Variants in MYO18A observed in about 807,000 individuals in gnomAD.
The protein encoded by MYO18A is unconventional myosin-XVIIIa.
MYO18A carries 78 observed loss-of-function variants against 235.8 expected under a neutral mutation model. That is an observed-to-expected ratio of 0.33 (90% CI 0.28 to 0.40). MYO18A has a LOEUF of 0.40. Ranked by LOEUF, MYO18A falls within the 10% of genes least tolerant of loss-of-function variation. MYO18A has a pLI of 1.00. For missense variants in MYO18A, 2,215 were observed against 2,699.3 expected (o/e 0.82, Z 3.98); for synonymous variants, 977 against 1,077.8 (o/e 0.91, Z 1.83).
At chr17:29,149,113 AC>A (rs2152944282) in intron 2 of MYO18A, among the ~76,000 whole-genome samples, 1 of 152,110 alleles carries the variant, frequency 6.6e-6, no homozygotes, top group African/African-American at 2.4e-5. Flanking sequence ...TCCAGGCCCC[AC>A]CCCCAGGAGG....
intron 2 of MYO18A, among the ~76,000 whole-genome samples, chr17:29,136,197 C>G (rs1413218356): frequency 6.9e-6 from 1 of 145,262 alleles, no homozygotes; most frequent in Admixed American, 7.1e-5. Context: ...ATACTGCATG[C>G]TCCAGCCTGG....
At chr17:29,093,788 AG>A (rs1474205557) in intron 31 of MYO18A, among the ~76,000 whole-genome samples, 191 bp downstream of exon 31, 1 of 152,138 alleles carries the variant, frequency 6.6e-6, no homozygotes, top group African/African-American at 2.4e-5. Flanking sequence ...ATAGTTCCTC[AG>A]GGGCCCAAGC....
intron 41 of MYO18A, among the ~76,000 whole-genome samples, chr17:29,081,938 C>T (rs1013032859): frequency 2.0e-5 from 3 of 152,150 alleles, no homozygotes; most frequent in South Asian, 2.1e-4. Context: ...CACGGTAAGA[C>T]GTCAGAGATC....
In MYO18A at chr17:29,074,349, G is replaced by T. The variant is rs1598251765; in HGVS notation, c.*421C>A. 2.7e-6 allele frequency: 2 copies of T among 742,482 alleles called. No homozygotes were observed. The highest frequency in any genetic ancestry group is 5.5e-5 in the East Asian group (2 of 36,572). 46.0% of individuals were successfully genotyped at this position (742,482 alleles called of 1,614,324 possible). A position where few individuals can be genotyped will look rare whatever the true frequency, so the allele number is the denominator to read the frequency against. On this transcript the variant is annotated 3_prime_UTR_variant, in exon 42 of 42. Coordinates refer to ENST00000527372, the MANE Select transcript of MYO18A (RefSeq NM_078471.4). The surrounding 1 kb of genome is among the most constrained non-coding windows in gnomAD (Gnocchi z 4.4). ...GAGAGCCCCCACCCCACACGAGAGG[G>T]AAGGCACTGCTTCTCCTCCCCCAAT...
Position 29,166,524 on chromosome 17 carries a change from A to G in MYO18A, c.417T>C (p.Phe139=), listed in dbSNP as rs1036052451. The part of the protein sequence containing the change: ...KQNSQMIVKR[F]SFSQRSRDES... ...CATCCCGGCTACGCTGGGAGAAGGA[A>G]AAGCGCTTGACAATCATCTGTGAGT... Residue 139 remains phenylalanine, a synonymous_variant, in exon 2 of 42, where the codon TTT becomes TTC. Transcript: ENST00000527372. 6.2e-7 allele frequency: 1 copy of G among 1,613,656 alleles called. No homozygotes were observed. Among genetic ancestry groups the G allele is most frequent in the Non-Finnish European group, 8.5e-7 (1 of 1,179,854 alleles).
chr17:29,093,956 C>T, intron 31 of MYO18A, 24 bp downstream of exon 31: 1 of 1,534,600 alleles, frequency 6.5e-7, no homozygotes, highest in East Asian at 2.3e-5. Flanking sequence ...TTACGCTGGA[C>T]AGGTAAGTAC....
Position 29,086,324 on chromosome 17 carries a change from C to T in MYO18A, c.5852+114G>A, listed in dbSNP as rs1010070344. On this transcript the variant is annotated intron_variant, in intron 39 of 41. Transcript: ENST00000527372. ...TGGCAGTAAAGGGAGGGTGGGTTGG[C>T]GGCTTGCTCATGGGGAGGCAGAGGT... is the stretch of plus-strand genomic sequence containing the variant. 56 of 1,231,992 alleles carry T rather than the reference C, an allele frequency of 4.5e-5. 1 individual carries two copies. The highest frequency in any genetic ancestry group is 1.9e-4 in the South Asian group (13 of 69,572). The allele number at this position is 1,231,992 out of a possible 1,614,324, so 76.3% of individuals were successfully genotyped here. A position where few individuals can be genotyped will look rare whatever the true frequency, so the allele number is the denominator to read the frequency against.
chr17:29,105,791 CCT>C (rs2066769866), intron 20 of MYO18A, among the ~76,000 whole-genome samples: 1 of 152,128 alleles, frequency 6.6e-6, no homozygotes, highest in African/African-American at 2.4e-5. Flanking sequence ...TGCTGGTCCC[CCT>C]GAGGGCCCAC....
intron 3 of MYO18A, 30 bp downstream of exon 3, chr17:29,122,136 A>C (rs764901630): frequency 6.2e-7 from 1 of 1,601,682 alleles, no homozygotes; most frequent in Non-Finnish European, 8.5e-7. Flanking sequence ...GTGAGTCCTG[A>C]CATGTGCCCC....
chr17:29,090,284 T>C, intron 36 of MYO18A, 186 bp from the exon 37 acceptor site: 1 of 715,956 alleles, frequency 1.4e-6, no homozygotes, highest in Non-Finnish European at 2.3e-6. Flanking sequence ...GGCACAGAGA[T>C]TGCCCTTCAG....
In MYO18A at chr17:29,118,494, T is replaced by C; in HGVS notation, c.1830-54A>G. 2 of 1,518,604 alleles carry C rather than the reference T, an allele frequency of 1.3e-6. No individual in the cohort carries two copies. Among genetic ancestry groups the C allele is most frequent in the Non-Finnish European group, 1.8e-6 (2 of 1,105,376 alleles). 94.1% of individuals were successfully genotyped at this position (1,518,604 alleles called of 1,614,324 possible). A position where few individuals can be genotyped will look rare whatever the true frequency, so the allele number is the denominator to read the frequency against. On this transcript the variant is annotated intron_variant, in intron 8 of 41. Transcript: ENST00000527372. The surrounding 1 kb of genome is among the most constrained non-coding windows in gnomAD (Gnocchi z 4.2). ...GCACTTGGTCCCCATGCCAAGGCCA[T>C]TTCCGCCCAGGGTGGAGACAGACAG...
intron 36 of MYO18A, 71 bp from the exon 37 acceptor site, chr17:29,090,169 C>G: frequency 3.9e-6 from 6 of 1,521,372 alleles, no homozygotes; most frequent in Non-Finnish European, 5.3e-6. Flanking sequence ...CTGGGGCAGG[C>G]AATATCACCA....
intron 1 of MYO18A, among the ~76,000 whole-genome samples, chr17:29,172,444 G>A (rs959731948): frequency 1.3e-5 from 2 of 149,874 alleles, no homozygotes; most frequent in African/African-American, 2.5e-5. Context: ...CAGCCTGGGC[G>A]ACAGAACAAG....
At position 29,128,965 on chromosome 17, in the gene MYO18A, C is replaced by G. The variant is rs2067393817; in HGVS notation, c.1000-6712G>C. The G allele has an allele frequency of 2.9e-6, 3 of 1,043,538 alleles. No individual in the cohort carries two copies. In the South Asian group the frequency reaches 3.9e-5, roughly 14 times the overall value. 64.6% of individuals were successfully genotyped at this position (1,043,538 alleles called of 1,614,324 possible). On this transcript the variant is annotated intron_variant, in intron 2 of 41. Coordinates refer to ENST00000527372, the MANE Select transcript of MYO18A (RefSeq NM_078471.4). ...ACACAGCAGAGATGGAGCATGGACACAGCAGAGATGGAGCATGGAGAGGTC... is the reference window on the plus strand; with the variant it reads ...ACACAGCAGAGATGGAGCATGGACAGAGCAGAGATGGAGCATGGAGAGGTC...
rs2066381624 is a variant in MYO18A at position 29,090,884 on chromosome 17, T to C, written c.5230A>G (p.Ile1744Val). 6.2e-7 allele frequency: 1 copy of C among 1,614,042 alleles called. No homozygotes were observed. The highest frequency in any genetic ancestry group is 8.5e-7 in the Non-Finnish European group (1 of 1,179,906). The change falls in exon 35 of 42, where the codon ATC (isoleucine) becomes GTC (valine). Residue 1744 changes from isoleucine to valine, a missense_variant. By Grantham distance (29) the Ile-to-Val change is conservative. Transcript: ENST00000527372. ...LSRLQREKNE[I>V]QNRLEEDQED... The stretch of plus-strand genomic sequence containing the variant: ...TGATCTTCCTCCAGCCGGTTCTGGA[T>C]CTCATTCTTCTCACGCTGAAGGCGG...
intron 14 of MYO18A, chr17:29,114,393 T>C (rs2067006715): frequency 5.4e-6 from 2 of 369,970 alleles, no homozygotes; most frequent in African/African-American, 2.1e-5. Flanking sequence ...CAATCATCCT[T>C]GAAACACTTG....
Position 29,096,853 on chromosome 17 carries a change from C to T in MYO18A, c.4293G>A (p.Lys1431=), listed in dbSNP as rs1284411834. The change falls in exon 28 of 42, where the codon AAG becomes AAA. Residue 1431 remains lysine, a synonymous_variant. Coordinates refer to ENST00000527372, the MANE Select transcript of MYO18A (RefSeq NM_078471.4). ...GCAGCTCAGCCGTCAGTCGCTGGCA[C>T]TTCTTCTTGAGCTGCTGCAGAGCCC... ...SQRALQQLKK[K]CQRLTAELQD... is the part of the protein sequence containing the mutation. 8.8e-6 allele frequency: 14 copies of T among 1,589,610 alleles called. No homozygotes were observed. The highest frequency in any genetic ancestry group is 1.3e-5 in the African/African-American group (1 of 74,436).
At chr17:29,127,721 C>CA (rs755299322) in intron 2 of MYO18A, 1 of 381,998 alleles carries the variant, frequency 2.6e-6, no homozygotes, top group Non-Finnish European at 3.6e-6. Flanking sequence ...GCCATCAGCA[C>CA]ACGACCCTGG....
chr17:29,155,582 A>G (rs1399344012), intron 2 of MYO18A: 2 of 152,486 alleles, frequency 1.3e-5, no homozygotes, highest in African/African-American at 4.8e-5. Context: ...AAAGGTCACT[A>G]AGAGAGGGAA....
Sources: allele counts gnomAD v4.1 joint callset (sites outside exome capture counted in the v4.1 genomes callset), GRCh38; gene constraint gnomAD v4.1.1; non-coding constraint Gnocchi (gnomAD v3.1); transcripts MANE v1.5; gene names NCBI Gene and HGNC (gene_info 2026-07-23, HGNC 2026-07-21).